ANKRD36C: variants seen among roughly 807,000 people sequenced by gnomAD.
ANKRD36C encodes the protein ankyrin repeat domain-containing protein 36C.
ANKRD36C carries 61 observed loss-of-function variants against 276.4 expected under a neutral mutation model. That is an observed-to-expected ratio of 0.22 (90% CI 0.18 to 0.27). The LOEUF (loss-of-function observed/expected upper bound fraction) is 0.27, where lower values mean the gene tolerates loss of function less well. ANKRD36C is among the 10% of genes least tolerant of loss of function. The pLI is 1.00. For synonymous variants in ANKRD36C, 483 were observed against 680.1 expected (o/e 0.71, Z 4.51); for missense variants, 1,447 against 2,032.3 (o/e 0.71, Z 5.54).
chr2:95,914,131 T>A (rs1361307268), exon 40 of ANKRD36C: 1 of 1,578,198 alleles, frequency 6.3e-7, no homozygotes, highest in Admixed American at 1.8e-5. Context: ...TTCTCCATCC[T>A]CTTTTCCTCT....
rs1411429822 is a variant in ANKRD36C at position 95,893,519 on chromosome 2, G to C, written c.2756-1659C>G. The C allele has an allele frequency of 1.3e-6, 2 of 1,540,498 alleles. No individual in the cohort carries two copies. ...CTGGACTGAACATGACATTAAATCT[G>C]TTTTCAAAATTACCTGTTCTAGATT... is the stretch of plus-strand genomic sequence containing the variant. On this transcript the variant is annotated intron_variant, in intron 44 of 66. Transcript: ENST00000456556.
intron 13 of ANKRD36C, among the ~76,000 whole-genome samples, chr2:95,954,788 T>G (rs1466482323): frequency 6.6e-6 from 1 of 152,186 alleles, no homozygotes; most frequent in African/African-American, 2.4e-5. Flanking sequence ...AGAGAGAGAC[T>G]GCTGGAAAAG....
intron 48 of ANKRD36C, among the ~76,000 whole-genome samples, chr2:95,889,562 G>A (rs1676284495): frequency 6.6e-6 from 1 of 151,408 alleles, no homozygotes; most frequent in Non-Finnish European, 1.5e-5. Context: ...GTGTTGAATT[G>A]CGGTCAGATG....
intron 42 of ANKRD36C, among the ~76,000 whole-genome samples, chr2:95,907,965 G>A (rs1365330232): frequency 1.3e-5 from 2 of 150,056 alleles, no homozygotes; most frequent in African/African-American, 4.9e-5. Flanking sequence ...CATCTGAAGT[G>A]AGTTCACTCA....
At chr2:95,939,179 A>G (rs180872889) in intron 20 of ANKRD36C, among the ~76,000 whole-genome samples, 164 bp from the exon 21 acceptor site, 6 of 144,872 alleles carry the variant, frequency 4.1e-5, no homozygotes, top group African/African-American at 5.0e-5. Flanking sequence ...GCACACAAAC[A>G]TGACAGGAAT....
chr2:95,987,702 A>C (rs1354525672), intron 1 of ANKRD36C, among the ~76,000 whole-genome samples: 1 of 147,510 alleles, frequency 6.8e-6, no homozygotes, highest in Non-Finnish European at 1.5e-5. Context: ...GCTCACTGCA[A>C]GCTCCGCTTC....
At chr2:95,968,899 A>C (rs1294935064) in intron 6 of ANKRD36C, among the ~76,000 whole-genome samples, 1 of 152,224 alleles carries the variant, frequency 6.6e-6, no homozygotes, top group East Asian at 1.9e-4. Flanking sequence ...AAAGAATATT[A>C]AAGGATACAG....
downstream of ANKRD36C, among the ~76,000 whole-genome samples, chr2:95,849,963 C>A (rs1356323790): frequency 6.6e-6 from 1 of 152,088 alleles, no homozygotes; most frequent in African/African-American, 2.4e-5. Context: ...GGGTTGGGGA[C>A]CCCTGCTATA....
chr2:95,858,526 C>T (rs13423121), intron 61 of ANKRD36C, among the ~76,000 whole-genome samples: 1 of 151,890 alleles, frequency 6.6e-6, no homozygotes, highest in Non-Finnish European at 1.5e-5. Context: ...AGATAAAAAT[C>T]ATCTTTTCTT....
At chr2:95,981,887 T>C (rs561337300) in intron 4 of ANKRD36C, among the ~76,000 whole-genome samples, 14 of 152,132 alleles carry the variant, frequency 9.2e-5, no homozygotes, top group Non-Finnish European at 1.5e-4. Flanking sequence ...AAAACTAACA[T>C]GAAACCCCTT....
At chr2:95,975,437 C>CAGAG (rs1678789682) in intron 6 of ANKRD36C, among the ~76,000 whole-genome samples, 2 of 152,064 alleles carry the variant, frequency 1.3e-5, no homozygotes. Context: ...GAGATATAGA[C>CAGAG]CAATGGAACA....
chr2:95,929,642 G>A (rs901017613), intron 24 of ANKRD36C, among the ~76,000 whole-genome samples: 1 of 151,600 alleles, frequency 6.6e-6, no homozygotes. Flanking sequence ...ACATGCACCC[G>A]CATGTCTTTC....
intron 32 of ANKRD36C, among the ~76,000 whole-genome samples, chr2:95,922,935 T>G (rs1338432149): frequency 6.6e-6 from 1 of 151,666 alleles, no homozygotes; most frequent in Non-Finnish European, 1.5e-5. Context: ...TGTGTAAATA[T>G]GCTAAATGCA....
chr2:95,896,628 TGTG>T (rs1369388191), intron 44 of ANKRD36C, among the ~76,000 whole-genome samples: 5 of 144,276 alleles, frequency 3.5e-5, no homozygotes, highest in African/African-American at 1.3e-4. Flanking sequence ...AATGAGTCAG[TGTG>T]GTGGTGTATT....
chr2:95,916,986 A>C (rs1029539170), intron 36 of ANKRD36C, among the ~76,000 whole-genome samples: 7 of 151,628 alleles, frequency 4.6e-5, no homozygotes, highest in African/African-American at 1.7e-4. Context: ...TTTAGGAGTT[A>C]ATTAGAATCC....
At chr2:95,862,197 A>G (rs894865557) in intron 60 of ANKRD36C, among the ~76,000 whole-genome samples, 9 of 152,058 alleles carry the variant, frequency 5.9e-5, no homozygotes, top group Non-Finnish European at 1.3e-4. Flanking sequence ...AAGGCAGAAA[A>G]TCAGCGAGAA....
At chr2:95,949,443 C>T (rs1281836050) in intron 16 of ANKRD36C, among the ~76,000 whole-genome samples, 1 of 151,938 alleles carries the variant, frequency 6.6e-6, no homozygotes, top group African/African-American at 2.4e-5. Flanking sequence ...CTATGGGCTC[C>T]CCCTTCTGGA....
intron 58 of ANKRD36C, 143 bp from the exon 79 acceptor site, chr2:95,876,655 T>A (rs1274127244): frequency 4.2e-5 from 26 of 619,810 alleles, no homozygotes; most frequent in Non-Finnish European, 6.9e-5. Flanking sequence ...ATCGAGACCA[T>A]CCTGGCTAAC....
intron 13 of ANKRD36C, among the ~76,000 whole-genome samples, chr2:95,954,864 G>A (rs1374685090): frequency 6.6e-6 from 1 of 151,946 alleles, no homozygotes; most frequent in African/African-American, 2.4e-5. Flanking sequence ...CTCCCTATGG[G>A]CTCCCACTTC....
Sources: gnomAD v4.1 joint callset for allele counts (sites outside exome capture counted in the v4.1 genomes callset) on GRCh38, gnomAD v4.1.1 for gene constraint, MANE v1.5 for transcripts, NCBI Gene and HGNC (gene_info 2026-07-23, HGNC 2026-07-21) for gene names.